GLMN: variants seen among roughly 807,000 people sequenced by gnomAD.
GLMN encodes glomulin.
GLMN carries 75 observed loss-of-function variants against 87.8 expected under a neutral mutation model. The ratio of observed to expected loss-of-function variants is 0.85; its 90% CI spans 0.71 to 1.04. The LOEUF (loss-of-function observed/expected upper bound fraction) is 1.04, where lower values mean the gene tolerates loss of function less well. Among genes scored for constraint, GLMN ranks in the 50% least tolerant of loss-of-function variants. The probability of loss-of-function intolerance (pLI) is 0.00; values close to 1 mark genes in which losing one functional copy is unlikely to be tolerated. For missense variants in GLMN, 588 were observed against 658.8 expected (o/e 0.89, Z 1.18); for synonymous variants, 206 against 221.6 (o/e 0.93, Z 0.63).
chr1:92,247,570 G>A (rs1652858234), intron 17 of GLMN, among the ~76,000 whole-genome samples: 1 of 152,146 alleles, frequency 6.6e-6, no homozygotes, highest in Non-Finnish European at 1.5e-5. Flanking sequence ...GGATTTACTT[G>A]AGAGTGAGAT....
intron 7 of GLMN, among the ~76,000 whole-genome samples, chr1:92,283,926 C>A (rs550452379): frequency 4.6e-5 from 7 of 152,166 alleles, no homozygotes; most frequent in African/African-American, 1.7e-4. Context: ...ATGTGAAGGA[C>A]CTCTTCAAGG....
At chr1:92,333,804 A>G in the GLMN span, among the ~76,000 whole-genome samples, 1 of 152,214 alleles carries the variant, frequency 6.6e-6, no homozygotes, top group Non-Finnish European at 1.5e-5. Context: ...TTTGCGGTAA[A>G]TGTGTCACAG....
At chr1:92,272,283 G>A (rs1213201061) in intron 7 of GLMN, among the ~76,000 whole-genome samples, 3 of 152,122 alleles carry the variant, frequency 2.0e-5, no homozygotes, top group African/African-American at 4.8e-5. Flanking sequence ...AGCTGTGGCT[G>A]GACTCCTGAT....
At chr1:92,361,116 C>CAT in the GLMN span, among the ~76,000 whole-genome samples, 10 of 148,306 alleles carry the variant, frequency 6.7e-5, no homozygotes, top group Non-Finnish European at 1.2e-4. Flanking sequence ...CACACACACA[C>CAT]ATATATATAT....
chr1:92,282,249 A>G (rs1044060133), intron 7 of GLMN, among the ~76,000 whole-genome samples: 3 of 152,240 alleles, frequency 2.0e-5, no homozygotes, highest in African/African-American at 7.2e-5. Flanking sequence ...GCAAATGTAA[A>G]AGAACAGAAA....
At chr1:92,248,454 G>T in intron 16 of GLMN, 1 of 160,822 alleles carries the variant, frequency 6.2e-6, no homozygotes, top group Non-Finnish European at 1.4e-5. Flanking sequence ...CCTCCCTGGT[G>T]ACCAAAGTAG....
intron 7 of GLMN, among the ~76,000 whole-genome samples, chr1:92,272,091 GT>G (rs1436216890): frequency 6.6e-6 from 1 of 152,214 alleles, no homozygotes; most frequent in African/African-American, 2.4e-5. Flanking sequence ...GCTAAATGTG[GT>G]CCCTGGCTGA....
At chr1:92,348,643 C>T in the GLMN span, among the ~76,000 whole-genome samples, 4 of 152,158 alleles carry the variant, frequency 2.6e-5, no homozygotes, top group Non-Finnish European at 5.9e-5. Context: ...TTTCTGCCCC[C>T]ACTGGAAATC....
chr1:92,311,033 A>G, the GLMN span, among the ~76,000 whole-genome samples: 2 of 152,204 alleles, frequency 1.3e-5, no homozygotes, highest in Non-Finnish European at 2.9e-5. Flanking sequence ...GTGAAACAAT[A>G]TTATTCTTAC....
intron 13 of GLMN, 68 bp from the exon 14 acceptor site, chr1:92,264,706 GT>G (rs1411171056): frequency 4.5e-6 from 4 of 892,868 alleles, no homozygotes; most frequent in Non-Finnish European, 7.6e-6. Context: ...GGTGATAAAA[GT>G]TTTACAAATT....
chr1:92,251,673 C>A (rs2100791718), intron 16 of GLMN, among the ~76,000 whole-genome samples: 1 of 152,160 alleles, frequency 6.6e-6, no homozygotes, highest in East Asian at 1.9e-4. Flanking sequence ...AAAAATATAA[C>A]CAAAGAATTT....
intron 7 of GLMN, among the ~76,000 whole-genome samples, chr1:92,282,537 T>A (rs1438552245): frequency 2.0e-5 from 3 of 152,024 alleles, no homozygotes; most frequent in African/African-American, 7.3e-5. Context: ...GAGCTAAAAT[T>A]GACATCCTAA....
chr1:92,247,278 CAG>C (rs1450526283), intron 17 of GLMN, 134 bp from the exon 18 acceptor site: 2 of 697,536 alleles, frequency 2.9e-6, no homozygotes, highest in Non-Finnish European at 2.6e-6. Flanking sequence ...TTTAACAGCT[CAG>C]GGTATACTTA....
the GLMN span, among the ~76,000 whole-genome samples, chr1:92,325,759 ATAT>A: frequency 6.6e-6 from 1 of 151,994 alleles, no homozygotes; most frequent in Non-Finnish European, 1.5e-5. Flanking sequence ...TCCAAAATTA[ATAT>A]TATATTAGCA....
the GLMN span, among the ~76,000 whole-genome samples, chr1:92,312,565 T>A: frequency 6.6e-6 from 1 of 152,204 alleles, no homozygotes; most frequent in Non-Finnish European, 1.5e-5. Context: ...AAGAAACCAG[T>A]TTCTTTGCCT....
the GLMN span, among the ~76,000 whole-genome samples, chr1:92,349,121 T>G: frequency 1.3e-5 from 2 of 152,314 alleles, no homozygotes; most frequent in South Asian, 2.1e-4. Context: ...TTCAGAAAAT[T>G]TTCACATCTA....
chr1:92,369,458 C>T, the GLMN span, among the ~76,000 whole-genome samples: 1 of 152,166 alleles, frequency 6.6e-6, no homozygotes, highest in Non-Finnish European at 1.5e-5. Context: ...GCGTGCACCT[C>T]CACACTCAAC....
the GLMN span, among the ~76,000 whole-genome samples, chr1:92,328,412 G>A: frequency 6.6e-6 from 1 of 152,170 alleles, no homozygotes; most frequent in Non-Finnish European, 1.5e-5. Context: ...AAGCTCTGAA[G>A]TTCTTCTACT....
upstream of GLMN, chr1:92,300,324 T>A: frequency 2.1e-6 from 1 of 477,584 alleles, no homozygotes; most frequent in Non-Finnish European, 3.3e-6. Flanking sequence ...AATGGTTACC[T>A]TTTTTTTTTT....
Sources: allele counts gnomAD v4.1 joint callset (sites outside exome capture counted in the v4.1 genomes callset), GRCh38; gene constraint gnomAD v4.1.1; transcripts MANE v1.5; gene names NCBI Gene and HGNC (gene_info 2026-07-23, HGNC 2026-07-21).